Variants in PRKCH observed in about 807,000 individuals in gnomAD.
The protein encoded by PRKCH is protein kinase C eta type.
A neutral mutation model predicts 82.5 loss-of-function variants in PRKCH; 28 were observed. That is an observed-to-expected ratio of 0.34 (90% CI 0.25 to 0.47). The LOEUF is 0.47. Ranked by LOEUF, PRKCH falls within the 20% of genes least tolerant of loss-of-function variation. The pLI, the probability that PRKCH is intolerant of heterozygous loss-of-function variation, is 1.00. For missense variants in PRKCH, 705 were observed against 881.8 expected, an observed-to-expected ratio of 0.80 and a Z score of 2.54; for synonymous variants, 322 against 327.4, an observed-to-expected ratio of 0.98 and a Z score of 0.18.
At chr14:61,301,661 G>A (rs2045448317) in intron 1 of PRKCH, among the ~76,000 whole-genome samples, 1 of 152,284 alleles carries the variant, frequency 6.6e-6, no homozygotes, top group South Asian at 2.1e-4. Context: ...GGTCAACATG[G>A]TGAGACCTTC....
At chr14:61,514,721 A>G (rs1594777657) in intron 10 of PRKCH, among the ~76,000 whole-genome samples, 1 of 152,240 alleles carries the variant, frequency 6.6e-6, no homozygotes, top group East Asian at 1.9e-4. Flanking sequence ...TGGGCCTGGT[A>G]TTTGCAAAGC....
intron 1 of PRKCH, among the ~76,000 whole-genome samples, chr14:61,266,094 T>A (rs2045098312): frequency 1.4e-5 from 2 of 145,456 alleles, no homozygotes; most frequent in African/African-American, 5.1e-5. Flanking sequence ...GGAGAAAGAG[T>A]TTTAAAGACT....
intron 1 of PRKCH, chr14:61,303,220 A>G (rs932615148): frequency 1.3e-5 from 2 of 151,958 alleles, no homozygotes; most frequent in African/African-American, 4.8e-5. Context: ...TAGAGACAGG[A>G]TCTCACTATG....
intron 9 of PRKCH, among the ~76,000 whole-genome samples, chr14:61,482,447 C>T (rs1476061240): frequency 1.3e-5 from 2 of 152,196 alleles, no homozygotes; most frequent in African/African-American, 4.8e-5. Flanking sequence ...CAGAGGGTTT[C>T]CTCACAGCAA....
chr14:61,324,687 G>A (rs1029670594), intron 1 of PRKCH, among the ~76,000 whole-genome samples: 1 of 152,138 alleles, frequency 6.6e-6, no homozygotes, highest in African/African-American at 2.4e-5. Context: ...TTGAACTTGT[G>A]GCCTCAAGCC....
Position 61,280,678 on chromosome 14 carries a change from A to G in PRKCH, c.-19+93010A>G. ...GATGGCGCCGCAGGGCGCGATGGGCAGGCCGGCCGCGCTGCGCTGGTAGGG... is the reference window on the plus strand; with the variant it reads ...GATGGCGCCGCAGGGCGCGATGGGCGGGCCGGCCGCGCTGCGCTGGTAGGG... On this transcript the variant is annotated intron_variant, in intron 1 of 3. Transcript: ENST00000555185. The surrounding 1 kb of genome is among the most constrained non-coding windows in gnomAD (Gnocchi z 5.0). 6.4e-7 allele frequency: 1 copy of G among 1,574,420 alleles called. No individual in the cohort carries two copies. Among genetic ancestry groups the G allele is most frequent in the Non-Finnish European group, 8.6e-7 (1 of 1,162,072 alleles).
chr14:61,533,591 G>C (rs1318302572), intron 12 of PRKCH, among the ~76,000 whole-genome samples: 2 of 152,222 alleles, frequency 1.3e-5, no homozygotes, highest in Non-Finnish European at 2.9e-5. Context: ...TTGACTAATA[G>C]GCTGTGTGAC....
At chr14:61,437,569 G>C (rs1288498486) in intron 2 of PRKCH, among the ~76,000 whole-genome samples, 1 of 152,176 alleles carries the variant, frequency 6.6e-6, no homozygotes, top group Non-Finnish European at 1.5e-5. Context: ...TTGGCTGCTT[G>C]ACCTCACTTA....
chr14:61,452,565 C>G (rs1594721813), intron 6 of PRKCH, among the ~76,000 whole-genome samples: 1 of 152,216 alleles, frequency 6.6e-6, no homozygotes, highest in Non-Finnish European at 1.5e-5. Context: ...TTGCTCGCCT[C>G]TTCAACTGCC....
At chr14:61,451,111 C>A in intron 6 of PRKCH, 140 bp downstream of exon 6, 3 of 1,158,152 alleles carry the variant, frequency 2.6e-6, no homozygotes, top group Middle Eastern at 2.6e-4. Flanking sequence ...TCATTTTAAA[C>A]TTACATGTTT....
rs372794360 is a variant in PRKCH, at chr14:61,449,282, G to A, written c.702+30G>A. 2.4e-4 allele frequency: 381 copies of A among 1,565,500 alleles called. 5 individuals are homozygous for A. In the South Asian group the frequency reaches 3.9e-3, roughly 16 times the overall value. On this transcript the variant is annotated intron_variant, in intron 5 of 13. Coordinates refer to ENST00000332981, the MANE Select transcript of PRKCH (RefSeq NM_006255.5). ...GAGGATAGCAGTTTGCTGATTAAAT[G>A]TGCGTGTGTATTGTGTATGCTGTGT...
chr14:61,424,514 G>A (rs1331499437), intron 2 of PRKCH, among the ~76,000 whole-genome samples: 2 of 152,216 alleles, frequency 1.3e-5, no homozygotes, highest in Admixed American at 6.5e-5. Flanking sequence ...CAAAGAGACT[G>A]ACAGCATTTT....
chr14:61,201,570 G>A (rs939492544), intron 1 of PRKCH, among the ~76,000 whole-genome samples: 1 of 152,058 alleles, frequency 6.6e-6, no homozygotes, highest in Admixed American at 6.6e-5. Flanking sequence ...CATAAAAATA[G>A]TAATATAAAG....
chr14:61,360,449 G>A (rs2046209999), intron 1 of PRKCH, among the ~76,000 whole-genome samples: 1 of 152,170 alleles, frequency 6.6e-6, no homozygotes, highest in Non-Finnish European at 1.5e-5. Flanking sequence ...AGGTTGCAGG[G>A]AGCCGAAGTC....
chr14:61,316,914 G>C (rs953436219), upstream of PRKCH, among the ~76,000 whole-genome samples: 10 of 152,202 alleles, frequency 6.6e-5, no homozygotes, highest in African/African-American at 2.2e-4. Flanking sequence ...GGAACAGGGA[G>C]AGGGGAGCAA....
chr14:61,401,835 T>A (rs1026207947), intron 2 of PRKCH, among the ~76,000 whole-genome samples: 1 of 152,256 alleles, frequency 6.6e-6, no homozygotes, highest in Non-Finnish European at 1.5e-5. Context: ...GTGATTGAGT[T>A]GTTAGCTGAG....
chr14:61,249,045 G>A lies in PRKCH; in HGVS notation c.-19+61377G>A, dbSNP rs11627897. On this transcript the variant is annotated intron_variant, in intron 1 of 3. Coordinates refer to the PRKCH transcript ENST00000555185. ...TGAAACTCCTGACCTCAGGTGACTC[G>A]CCTGCCTCGGCCTCCCAAAATGCTG... is the stretch of plus-strand genomic sequence containing the variant. Among the ~76,000 whole-genome samples the A allele has an allele frequency of 1.9e-3, 292 of 152,132 alleles. 2 individuals are homozygous for A. Among genetic ancestry groups the A allele is most frequent in the Admixed American group, 7.3e-3 (112 of 15,270 alleles).
At chr14:61,478,006 C>T (rs577226808) in intron 9 of PRKCH, among the ~76,000 whole-genome samples, 5 of 152,350 alleles carry the variant, frequency 3.3e-5, no homozygotes, top group South Asian at 4.1e-4. Flanking sequence ...CTCACTGCCA[C>T]GTGTGCCACA....
intron 9 of PRKCH, among the ~76,000 whole-genome samples, chr14:61,485,187 T>A (rs989896554): frequency 6.6e-6 from 1 of 152,192 alleles, no homozygotes; most frequent in Admixed American, 6.5e-5. Context: ...ACATTCTCTC[T>A]CCAGGTACAT....
Sources: allele counts gnomAD v4.1 joint callset (sites outside exome capture counted in the v4.1 genomes callset), GRCh38; gene constraint gnomAD v4.1.1; non-coding constraint Gnocchi (gnomAD v3.1); transcripts MANE v1.5; gene names NCBI Gene and HGNC (gene_info 2026-07-23, HGNC 2026-07-21).